ATPAF1: variants seen among roughly 807,000 people sequenced by gnomAD.
ATPAF1 encodes ATP synthase mitochondrial F1 complex assembly factor 1.
Under a neutral mutation model 43.9 loss-of-function variants are expected in ATPAF1, and 26 were observed. That is an observed-to-expected ratio of 0.59 (90% CI 0.43 to 0.82). ATPAF1 has a LOEUF of 0.82. ATPAF1 is among the 40% of genes least tolerant of loss of function. The pLI is 0.00. For synonymous variants in ATPAF1, 157 were observed against 168.0 expected (o/e 0.93, Z 0.50); for missense variants, 366 against 435.0 (o/e 0.84, Z 1.41).
intron 6 of ATPAF1, among the ~76,000 whole-genome samples, chr1:46,647,340 C>T (rs1676062704): frequency 6.6e-6 from 1 of 152,226 alleles, no homozygotes; most frequent in Non-Finnish European, 1.5e-5. Flanking sequence ...CCCATACCCA[C>T]AAATTGGATT....
intron 6 of ATPAF1, among the ~76,000 whole-genome samples, chr1:46,650,056 A>G (rs1013431775): frequency 6.6e-6 from 1 of 152,252 alleles, no homozygotes. Flanking sequence ...AAACCCGAGA[A>G]ATCATTACTG....
In ATPAF1 at chr1:46,658,671, T is replaced by G. The variant is rs1227872539; in HGVS notation, c.426+16A>C. The stretch of plus-strand genomic sequence containing the variant: ...TGACTTCAAGCTTTTTTTCCTATAT[T>G]TAATTAGAAACCTACCTTGTCCTTA... On this transcript the variant is annotated intron_variant, in intron 3 of 8. Transcript: ENST00000574428. The G allele has an allele frequency of 6.3e-7, 1 of 1,580,898 alleles. No homozygotes were observed. The highest frequency in any genetic ancestry group is 8.6e-7 in the Non-Finnish European group (1 of 1,164,650).
chr1:46,657,995 T>C, intron 4 of ATPAF1, 132 bp downstream of exon 4: 1 of 838,208 alleles, frequency 1.2e-6, no homozygotes. Context: ...GTTCTTCAAG[T>C]AATTCATCAC....
At chr1:46,645,208 G>T in exon 7 of ATPAF1, 1 of 1,613,930 alleles carries the variant, frequency 6.2e-7, no homozygotes, top group South Asian at 1.1e-5. Context: ...CCTGTCCATT[G>T]TCCTACAAAA....
At chr1:46,637,431 A>G (rs971171367) in intron 8 of ATPAF1, among the ~76,000 whole-genome samples, 4 of 152,104 alleles carry the variant, frequency 2.6e-5, no homozygotes, top group Non-Finnish European at 4.4e-5. Context: ...CACGGGCTAC[A>G]CTCTCAAACT....
chr1:46,636,678 A>C (rs1048452802), intron 8 of ATPAF1, among the ~76,000 whole-genome samples: 1 of 151,538 alleles, frequency 6.6e-6, no homozygotes, highest in Non-Finnish European at 1.5e-5. Flanking sequence ...GCTACTCAGG[A>C]GGCTGAGGTA....
intron 1 of ATPAF1, chr1:46,665,705 C>G: frequency 6.5e-7 from 1 of 1,531,868 alleles, no homozygotes; most frequent in African/African-American, 1.4e-5. Flanking sequence ...AGACAAGAAT[C>G]CTATAGCCTC....
At position 46,653,004 on chromosome 1, in the gene ATPAF1, T is replaced by G. The variant is rs916709382; in HGVS notation, c.541-376A>C. 1.3e-5 allele frequency among the ~76,000 whole-genome samples: 2 copies of G among 152,030 alleles called. No homozygotes were observed. The highest frequency in any genetic ancestry group is 4.8e-5 in the African/African-American group (2 of 41,390). ...TCTTCTTCTGGCTGTTGAATTCATG[T>G]AGGATAAGGGTATATATATATGAGA... is the stretch of plus-strand genomic sequence containing the variant. On this transcript the variant is annotated intron_variant, in intron 5 of 8. Transcript: ENST00000574428. This position sits in a 1 kb window ranked among gnomAD's most constrained non-coding sequence, Gnocchi z 4.8.
intron 8 of ATPAF1, among the ~76,000 whole-genome samples, chr1:46,636,960 C>A (rs1446854328): frequency 6.6e-6 from 1 of 152,168 alleles, no homozygotes; most frequent in Non-Finnish European, 1.5e-5. Context: ...GCCCAATCAA[C>A]CTTCGGATGA....
At chr1:46,665,851 C>T in intron 1 of ATPAF1, 1 of 1,425,054 alleles carries the variant, frequency 7.0e-7, no homozygotes, top group East Asian at 2.6e-5. Context: ...GAAGATTTAG[C>T]ATCTGAGTAT....
chr1:46,637,058 G>A (rs1675854150), intron 8 of ATPAF1, among the ~76,000 whole-genome samples: 2 of 152,190 alleles, frequency 1.3e-5, no homozygotes, highest in South Asian at 4.1e-4. Context: ...GAAACTGCGA[G>A]GTAATAAATG....
rs1185460138 is a variant in ATPAF1, at chr1:46,636,016, CA to C, written c.793-47del. ...TGAGGTCCTTTCTTGCACAGGGCCACAAAGCTCTTGTCTGAATTGTGTGGTG... is the reference window on the plus strand; with the variant it reads ...TGAGGTCCTTTCTTGCACAGGGCCACAAGCTCTTGTCTGAATTGTGTGGTG... On this transcript the variant is annotated intron_variant, in intron 8 of 8. Coordinates refer to ENST00000574428, the Ensembl canonical transcript of ATPAF1. 26 of 1,598,034 alleles carry C rather than the reference CA, an allele frequency of 1.6e-5. No individual in the cohort carries two copies. The Admixed American group carries it at 4.2e-4, about 26-fold the overall frequency.
At chr1:46,638,791 G>A (rs548021090) in intron 8 of ATPAF1, among the ~76,000 whole-genome samples, 2 of 151,350 alleles carry the variant, frequency 1.3e-5, no homozygotes, top group East Asian at 3.9e-4. Flanking sequence ...TGAAGCAACA[G>A]TCTCCTCCTT....
intron 2 of ATPAF1, among the ~76,000 whole-genome samples, chr1:46,661,636 A>G (rs1676389032): frequency 1.3e-5 from 2 of 152,066 alleles, no homozygotes; most frequent in South Asian, 2.1e-4. Flanking sequence ...TTACATACCT[A>G]TTGTTTTATT....
rs539482005 is a variant in ATPAF1, at chr1:46,658,010, G to T, written c.489+117C>A. ...GTTCTTCAAGTAATTCATCACTTTT[G>T]CCTTTTATTATTACCTTTCATTGTG... On this transcript the variant is annotated intron_variant, in intron 4 of 8. Transcript: ENST00000574428. 7 of 972,926 alleles carry T rather than the reference G, an allele frequency of 7.2e-6. No individual in the cohort carries two copies. In the East Asian group the frequency reaches 1.7e-4, roughly 24 times the overall value. 60.3% of individuals were successfully genotyped at this position (972,926 alleles called of 1,614,324 possible).
chr1:46,663,859 C>T, intron 2 of ATPAF1: 1 of 1,253,408 alleles, frequency 8.0e-7, no homozygotes, highest in Non-Finnish European at 1.0e-6. Flanking sequence ...GCAGCCCACA[C>T]CTGGATTACT....
At chr1:46,645,092 C>CA in intron 7 of ATPAF1, 69 bp downstream of exon 7, 2 of 1,118,460 alleles carry the variant, frequency 1.8e-6, no homozygotes, top group Non-Finnish European at 2.5e-6. Flanking sequence ...CCTTGAGCCT[C>CA]AGCAAGGGTT....
intron 6 of ATPAF1, among the ~76,000 whole-genome samples, chr1:46,651,088 C>T (rs998272060): frequency 4.7e-4 from 71 of 152,042 alleles, no homozygotes; most frequent in Non-Finnish European, 5.0e-4. Flanking sequence ...CATGCTAGTG[C>T]GCTGCACCCA....
intron 2 of ATPAF1, among the ~76,000 whole-genome samples, chr1:46,663,053 A>T (rs552121722): frequency 6.6e-6 from 1 of 151,996 alleles, no homozygotes; most frequent in South Asian, 2.1e-4. Flanking sequence ...TGTCCTTGCG[A>T]TAGTTTGCTG....
Sources: allele counts gnomAD v4.1 joint callset (sites outside exome capture counted in the v4.1 genomes callset), GRCh38; gene constraint gnomAD v4.1.1; non-coding constraint Gnocchi (gnomAD v3.1); transcripts MANE v1.5; gene names NCBI Gene and HGNC (gene_info 2026-07-23, HGNC 2026-07-21).